The following PACS2 variants were observed in gnomAD, a reference collection of about 807,000 sequenced individuals.
PACS2 encodes the protein phosphofurin acidic cluster sorting protein 2, also known as PACS1-like protein.
In PACS2, 36 loss-of-function variants were observed where a neutral mutation model predicts 113.0. The ratio of observed to expected loss-of-function variants is 0.32; its 90% confidence interval spans 0.24 to 0.42. The LOEUF is 0.42. Ranked by LOEUF, PACS2 falls within the 10% of genes least tolerant of loss-of-function variation. The pLI, the probability that PACS2 is intolerant of heterozygous loss-of-function variation, is 1.00. For synonymous variants in PACS2, 589 were observed against 536.1 expected (o/e 1.10, Z -1.36); for missense variants, 1,015 against 1,239.5 (o/e 0.82, Z 2.72).
chr14:105,361,654 C>CA (rs1364847505), intron 4 of PACS2, among the ~76,000 whole-genome samples: 1 of 147,952 alleles, frequency 6.8e-6, no homozygotes, highest in Non-Finnish European at 1.5e-5. Flanking sequence ...AACAAACAAA[C>CA]AAAAAAATTA....
At chr14:105,378,670 TGCTG>T (rs1195879848) in intron 9 of PACS2, among the ~76,000 whole-genome samples, 2 of 152,278 alleles carry the variant, frequency 1.3e-5, no homozygotes, top group Non-Finnish European at 2.9e-5. Flanking sequence ...CCACCCAAAG[TGCTG>T]ACACTACAGG....
At chr14:105,392,935 C>A (rs587723561) in intron 23 of PACS2, 90 bp downstream of exon 23, 2 of 1,075,572 alleles carry the variant, frequency 1.9e-6, no homozygotes, top group East Asian at 2.4e-5. Context: ...TGACAGCCCC[C>A]GGGCTGGCCT....
intron 1 of PACS2, among the ~76,000 whole-genome samples, chr14:105,339,578 C>T (rs941755776): frequency 1.3e-5 from 2 of 150,374 alleles, no homozygotes; most frequent in Non-Finnish European, 3.0e-5. Context: ...TGCCTGCAAT[C>T]CTAGCACTTT....
chr14:105,304,857 C>T (rs993668215), intron 1 of PACS2, among the ~76,000 whole-genome samples: 5 of 152,212 alleles, frequency 3.3e-5, no homozygotes, highest in Non-Finnish European at 5.9e-5. Flanking sequence ...GAGACTTATT[C>T]GCAATCACAA....
chr14:105,379,410 G>T (rs938119315), intron 9 of PACS2, among the ~76,000 whole-genome samples: 2 of 152,208 alleles, frequency 1.3e-5, no homozygotes, highest in South Asian at 4.1e-4. Flanking sequence ...GAGCCCCTTC[G>T]TGTTTGTGGC....
intron 24 of PACS2, chr14:105,394,284 C>T (rs1049299196): frequency 2.0e-6 from 2 of 985,222 alleles, no homozygotes; most frequent in Non-Finnish European, 2.4e-6. Flanking sequence ...TCTGCTCCTT[C>T]CACCTGCAGG....
Position 105,330,838 on chromosome 14 carries a change from T to G in PACS2, c.119+15801T>G, listed in dbSNP as rs1044272502. ...TTTTTGCCTTAAGTGCGTTCCCAAT[T>G]CCATCTCTGTGCCAGCTGTGCCCCA... On this transcript the variant is annotated intron_variant, in intron 1 of 24. Transcript: ENST00000447393. The surrounding 1 kb of genome is among the most constrained non-coding windows in gnomAD (Gnocchi z 6.9). 1.3e-5 allele frequency among the ~76,000 whole-genome samples: 2 copies of G among 152,194 alleles called. No homozygotes were observed. Among genetic ancestry groups the G allele is most frequent in the East Asian group, 3.8e-4 (2 of 5,204 alleles).
intron 1 of PACS2, among the ~76,000 whole-genome samples, chr14:105,336,855 T>TA (rs1436723091): frequency 6.6e-6 from 1 of 152,208 alleles, no homozygotes; most frequent in Admixed American, 6.5e-5. Flanking sequence ...CCGTCAGAGT[T>TA]ACTGTGTGAG....
chr14:105,362,395 C>T (rs778417482), intron 4 of PACS2, among the ~76,000 whole-genome samples: 90 of 139,644 alleles, frequency 6.4e-4, no homozygotes, highest in Non-Finnish European at 1.1e-3. Flanking sequence ...CCAGCCTGGG[C>T]GACAGAGCGA....
intron 3 of PACS2, among the ~76,000 whole-genome samples, chr14:105,353,405 G>A (rs1408309940): frequency 3.1e-5 from 4 of 128,598 alleles, no homozygotes; most frequent in African/African-American, 1.2e-4. Context: ...CTGGGGTGAC[G>A]GCCCCCCCTC....
intron 4 of PACS2, among the ~76,000 whole-genome samples, chr14:105,364,488 CGGCCCGGGTGCGCGGTGGGCGGT>C (rs1555407487): frequency 8.6e-5 from 12 of 139,604 alleles, no homozygotes; most frequent in South Asian, 2.2e-4. Flanking sequence ...CGGTGGGTGG[CGGCCCGGGTGCGCGGTGGGCGGT>C]GGCCTGGGTG....
chr14:105,374,024 G>A (rs147355783), intron 8 of PACS2, among the ~76,000 whole-genome samples: 2,261 of 151,754 alleles, frequency 0.015, 62 homozygotes, highest in African/African-American at 0.052. Context: ...GCATCGTGGC[G>A]GGTGCCTGTA....
Position 105,301,652 on chromosome 14 carries a change from A to G in PACS2, c.-83+673A>G, listed in dbSNP as rs181056154. The stretch of plus-strand genomic sequence containing the variant: ...CCAGAGCCTCCCCGTGCGCCCCGCT[A>G]TTCTCCGTTTTCTGTTCCCCTAAAA... On this transcript the variant is annotated intron_variant, in intron 1 of 23. Coordinates refer to the PACS2 transcript ENST00000430725. Among the ~76,000 whole-genome samples the G allele has an allele frequency of 2.7e-3, 407 of 152,282 alleles. 1 individual carries two copies. Among genetic ancestry groups the G allele is most frequent in the Middle Eastern group, 6.8e-3 (2 of 294 alleles).
upstream of PACS2, among the ~76,000 whole-genome samples, chr14:105,312,967 C>T (rs587685200): frequency 3.3e-5 from 5 of 152,288 alleles, no homozygotes; most frequent in East Asian, 1.9e-4. Flanking sequence ...CCTCACAGGC[C>T]GCCATCTCCT....
chr14:105,327,564 T>G (rs115806941), intron 1 of PACS2, among the ~76,000 whole-genome samples: 2,461 of 152,252 alleles, frequency 0.016, 86 homozygotes, highest in African/African-American at 0.055. Context: ...GAGCCTGTGC[T>G]GGGGGCAGGG....
At chr14:105,369,941 C>T in intron 8 of PACS2, 41 bp downstream of exon 8, 2 of 1,554,390 alleles carry the variant, frequency 1.3e-6, no homozygotes, top group Non-Finnish European at 1.7e-6. Context: ...CCCACGCCTG[C>T]AACAGCACCT....
Position 105,391,651 on chromosome 14 carries a change from C to G in PACS2, c.2140C>G (p.Pro714Ala). 6.2e-7 allele frequency: 1 copy of G among 1,610,496 alleles called. No homozygotes were observed. Among genetic ancestry groups the G allele is most frequent in the Non-Finnish European group, 8.5e-7 (1 of 1,179,472 alleles). Residue 714 changes from proline (P) to alanine (A), a missense_variant, in exon 22 of 25, where the codon CCC becomes GCC. Physicochemically the swap from Pro to Ala is conservative, Grantham distance 27. Around this residue, in one of 3 missense-constraint regions of PACS2, gnomAD observed 859 missense variants for 1,056.8 expected, o/e 0.81. Transcript: ENST00000447393. ...ATSGDSDDAA[P>A]SGSGTLSSTP... ...CAAAGGCGACTCGGACGACGCGGCC[C>G]CCTCGGGCTCTGGCACGCTCTCCTC... is the stretch of plus-strand genomic sequence containing the variant.
At chr14:105,333,852 C>T (rs1215172555) in intron 1 of PACS2, among the ~76,000 whole-genome samples, 2 of 152,220 alleles carry the variant, frequency 1.3e-5, no homozygotes, top group South Asian at 2.1e-4. Context: ...CAGTGTGAGG[C>T]GTGGCCCACA....
At chr14:105,338,543 G>A (rs1288697729) in intron 1 of PACS2, among the ~76,000 whole-genome samples, 1 of 152,168 alleles carries the variant, frequency 6.6e-6, no homozygotes, top group African/African-American at 2.4e-5. Context: ...GCAGGATTCC[G>A]GGTCCTCCAG....
Sources: gnomAD v4.1 joint callset for allele counts (sites outside exome capture counted in the v4.1 genomes callset) on GRCh38, gnomAD v4.1.1 for gene constraint, gnomAD v4.1.1 regional missense constraint, Gnocchi (gnomAD v3.1) non-coding constraint, MANE v1.5 for transcripts, NCBI Gene and HGNC (gene_info 2026-07-23, HGNC 2026-07-21) for gene names.